The following GLIS3 variants were observed in gnomAD, a reference collection of about 807,000 sequenced individuals.
The protein encoded by GLIS3 is zinc finger protein GLIS3.
Under a neutral mutation model 78.6 loss-of-function variants are expected in GLIS3, and 53 were observed. The ratio of observed to expected loss-of-function variants is 0.67; its 90% confidence interval spans 0.54 to 0.85. The LOEUF is 0.85. Ranked by LOEUF, GLIS3 falls within the 40% of genes least tolerant of loss-of-function variation. The pLI, the probability that GLIS3 is intolerant of heterozygous loss-of-function variation, is 0.00. For synonymous variants in GLIS3, 684 were observed against 509.9 expected, an observed-to-expected ratio of 1.34 and a Z score of -4.60; for missense variants, 1,703 against 1,231.1, an observed-to-expected ratio of 1.38 and a Z score of -5.74.
intron 8 of GLIS3, among the ~76,000 whole-genome samples, chr9:3,867,592 CT>C (rs1259100338): frequency 6.6e-6 from 1 of 152,186 alleles, no homozygotes; most frequent in Non-Finnish European, 1.5e-5. Flanking sequence ...GGCCACCAAC[CT>C]TTTCTAATCT....
chr9:4,450,694 C>T, the GLIS3 span, among the ~76,000 whole-genome samples: 8 of 152,270 alleles, frequency 5.3e-5, no homozygotes, highest in African/African-American at 9.6e-5. Flanking sequence ...GGCCAATATT[C>T]GACATTCTTA....
intron 2 of GLIS3, among the ~76,000 whole-genome samples, chr9:4,147,972 C>G (rs565858585): frequency 1.2e-4 from 19 of 152,304 alleles, no homozygotes; most frequent in Non-Finnish European, 2.4e-4. Context: ...TCTATAATAG[C>G]TACGTATGTA....
intron 2 of GLIS3, among the ~76,000 whole-genome samples, chr9:4,263,491 CAAGCAAA>C (rs1351474427): frequency 7.1e-6 from 1 of 139,976 alleles, no homozygotes; most frequent in African/African-American, 2.7e-5. Context: ...AAGTCTAAGA[CAAGCAAA>C]GATTGCATTG....
chr9:4,093,599 C>T (rs1372394671), intron 4 of GLIS3, among the ~76,000 whole-genome samples: 1 of 152,116 alleles, frequency 6.6e-6, no homozygotes, highest in Non-Finnish European at 1.5e-5. Context: ...ATGGGCTTGG[C>T]CTTCTAGTGG....
At chr9:4,230,084 A>G (rs987168214) in intron 2 of GLIS3, among the ~76,000 whole-genome samples, 4 of 152,244 alleles carry the variant, frequency 2.6e-5, no homozygotes, top group African/African-American at 9.6e-5. Flanking sequence ...AGAAAGGCCG[A>G]CGGGCCAAGT....
chr9:3,830,370 A>C (rs745544074), intron 9 of GLIS3, among the ~76,000 whole-genome samples: 2 of 152,182 alleles, frequency 1.3e-5, no homozygotes, highest in Non-Finnish European at 2.9e-5. Flanking sequence ...GCTTCTGAAA[A>C]TATAATAATG....
the GLIS3 span, among the ~76,000 whole-genome samples, chr9:4,387,945 G>A: frequency 4.6e-5 from 7 of 152,262 alleles, no homozygotes; most frequent in South Asian, 4.1e-4. Flanking sequence ...GTGGAAAAAC[G>A]ACCTAACAAA....
chr9:3,940,510 G>A (rs1447280743), intron 4 of GLIS3, among the ~76,000 whole-genome samples: 1 of 152,148 alleles, frequency 6.6e-6, no homozygotes, highest in East Asian at 1.9e-4. Flanking sequence ...AATATCCTAT[G>A]TTCAGGTCTT....
intron 4 of GLIS3, among the ~76,000 whole-genome samples, chr9:4,117,128 A>C (rs770760986): frequency 1.3e-5 from 2 of 152,206 alleles, no homozygotes; most frequent in East Asian, 1.9e-4. Flanking sequence ...CTTTCTCCTC[A>C]TATCTCTCTA....
At chr9:4,472,466 A>C in the GLIS3 span, among the ~76,000 whole-genome samples, 1 of 152,214 alleles carries the variant, frequency 6.6e-6, no homozygotes, top group Non-Finnish European at 1.5e-5. Flanking sequence ...AGGGACATGG[A>C]TGAAGCTGGA....
the GLIS3 span, among the ~76,000 whole-genome samples, chr9:4,435,746 G>T: frequency 5.9e-5 from 9 of 152,166 alleles, no homozygotes; most frequent in East Asian, 1.7e-3. Flanking sequence ...TCAGGAGATG[G>T]AGACCATCCT....
chr9:3,932,267 A>T, intron 6 of GLIS3, 93 bp downstream of exon 6: 2 of 926,828 alleles, frequency 2.2e-6, no homozygotes, highest in Non-Finnish European at 3.6e-6. Flanking sequence ...CATGAGAAGT[A>T]TAAGAATTTC....
chr9:3,975,692 C>G (rs944436436), intron 4 of GLIS3, among the ~76,000 whole-genome samples: 1 of 151,720 alleles, frequency 6.6e-6, no homozygotes, highest in Non-Finnish European at 1.5e-5. Context: ...TCCAAATAAA[C>G]ATATTTGGTT....
chr9:3,949,699 A>G (rs1816538487), intron 4 of GLIS3, among the ~76,000 whole-genome samples: 1 of 152,238 alleles, frequency 6.6e-6, no homozygotes, highest in Non-Finnish European at 1.5e-5. Context: ...TGCCTAATAC[A>G]TATTAGGTGC....
chr9:3,953,017 G>C (rs1401760152), intron 4 of GLIS3, among the ~76,000 whole-genome samples: 1 of 152,174 alleles, frequency 6.6e-6, no homozygotes, highest in African/African-American at 2.4e-5. Context: ...TCCTGGTTCA[G>C]ATATTAATAA....
At chr9:4,198,818 G>A (rs1819102775) in intron 2 of GLIS3, among the ~76,000 whole-genome samples, 1 of 152,100 alleles carries the variant, frequency 6.6e-6, no homozygotes, top group African/African-American at 2.4e-5. Flanking sequence ...AGAGAAAAAG[G>A]TCAGGTCACA....
At chr9:3,912,290 G>A (rs1328335216) in intron 6 of GLIS3, among the ~76,000 whole-genome samples, 5 of 152,212 alleles carry the variant, frequency 3.3e-5, no homozygotes, top group South Asian at 2.1e-4. Context: ...CAGAACTAGC[G>A]TCCCGGGGCA....
At chr9:4,295,546 C>A (rs910458466) in intron 1 of GLIS3, among the ~76,000 whole-genome samples, 2 of 152,074 alleles carry the variant, frequency 1.3e-5, no homozygotes, top group African/African-American at 4.8e-5. Flanking sequence ...ATTCCATTTA[C>A]ACAAGATTTT....
upstream of GLIS3, among the ~76,000 whole-genome samples, chr9:4,300,890 G>GACA (rs1817043111): frequency 6.6e-6 from 1 of 151,974 alleles, no homozygotes. Context: ...TTCTGCAGTT[G>GACA]ACAGTATTAT....
Sources: allele counts gnomAD v4.1 joint callset (sites outside exome capture counted in the v4.1 genomes callset), GRCh38; gene constraint gnomAD v4.1.1; transcripts MANE v1.5; gene names NCBI Gene and HGNC (gene_info 2026-07-23, HGNC 2026-07-21).